Variants in SLK observed in about 807,000 individuals in gnomAD.
SLK encodes STE20-like serine/threonine-protein kinase.
Under a neutral mutation model 147.7 loss-of-function variants are expected in SLK, and 67 were observed. The observed-to-expected ratio is 0.45, with a 90% CI of 0.37 to 0.56. The LOEUF (loss-of-function observed/expected upper bound fraction) is 0.56, where lower values mean the gene tolerates loss of function less well. Ranked by LOEUF, SLK falls within the 20% of genes least tolerant of loss-of-function variation. The probability of loss-of-function intolerance (pLI) is 0.00; values close to 1 mark genes in which losing one functional copy is unlikely to be tolerated. For missense variants in SLK, 1,136 were observed against 1,438.8 expected (o/e 0.79, Z 3.41); for synonymous variants, 441 against 475.0 (o/e 0.93, Z 0.93).
At chr10:104,019,230 T>A (rs1056180996) in intron 15 of SLK, 1 of 208,728 alleles carries the variant, frequency 4.8e-6, no homozygotes, top group African/African-American at 2.3e-5. Context: ...CTCCTTGTAC[T>A]TATTAAGAGT....
At chr10:104,002,047 G>A in intron 8 of SLK, 125 bp from the exon 9 acceptor site, 1 of 770,692 alleles carries the variant, frequency 1.3e-6, no homozygotes, top group South Asian at 2.6e-5. Context: ...GAGAAGAATT[G>A]TTAATTCTTT....
At chr10:104,020,705 C>T (rs1844523445) in intron 17 of SLK, 92 bp downstream of exon 17, 2 of 1,345,150 alleles carry the variant, frequency 1.5e-6, no homozygotes, top group Non-Finnish European at 2.0e-6. Flanking sequence ...AAGTCAACTG[C>T]ATCATACACG....
At chr10:104,019,029 A>G in intron 15 of SLK, 121 bp downstream of exon 15, 1 of 986,318 alleles carries the variant, frequency 1.0e-6, no homozygotes, top group South Asian at 1.8e-5. Context: ...CTTTTATCCT[A>G]CAATTTCTTG....
rs764573237 is a variant in SLK at position 104,003,457 on chromosome 10, G to A, written c.2279G>A (p.Ser760Asn). 6.2e-6 allele frequency: 10 copies of A among 1,610,696 alleles called. No homozygotes were observed. The South Asian group carries it at 1.1e-4, about 18-fold the overall frequency. Residue 760 changes from serine (S) to asparagine (N), a missense_variant, in exon 9 of 19, where the codon AGT becomes AAT. By Grantham distance (46) the Ser-to-Asn change is conservative. Transcript: ENST00000369755. ...SGTGSTADTS[S>N]IDLNLSISSF... is the part of the protein sequence containing the mutation. Reference sequence around the variant, plus strand: ...ACTGGTTCCACTGCTGATACTAGCAGTATTGACTTGAATTTATCCATCTCT... The same window carrying A: ...ACTGGTTCCACTGCTGATACTAGCAATATTGACTTGAATTTATCCATCTCT...
chr10:103,977,963 T>C (rs1020186250), intron 1 of SLK, among the ~76,000 whole-genome samples: 1 of 152,194 alleles, frequency 6.6e-6, no homozygotes, highest in African/African-American at 2.4e-5. Flanking sequence ...ACTGACTTTA[T>C]TACACACGTC....
intron 1 of SLK, among the ~76,000 whole-genome samples, chr10:103,971,303 C>A (rs1356394563): frequency 6.6e-6 from 1 of 151,872 alleles, no homozygotes; most frequent in African/African-American, 2.4e-5. Context: ...GAGATGGAGT[C>A]CCTCTCTGTC....
intron 12 of SLK, 132 bp from the exon 13 acceptor site, chr10:104,010,684 A>C (rs1405223734): frequency 2.0e-6 from 1 of 496,034 alleles, no homozygotes; most frequent in Non-Finnish European, 3.6e-6. Flanking sequence ...CCAGACTAAC[A>C]CCTATGCTAA....
chr10:103,992,537 C>A lies in SLK; in HGVS notation c.316-61C>A, dbSNP rs1246062956. On this transcript the variant is annotated intron_variant, in intron 2 of 18. Transcript: ENST00000369755. ...TTTTTGCTAAGCTGAAGAAAAAATA[C>A]TGAAACTCAAAACTCCATGTAGTTT... is the stretch of plus-strand genomic sequence containing the variant. The A allele has an allele frequency of 2.8e-6, 4 of 1,416,624 alleles. No individual in the cohort carries two copies. The African/African-American group carries it at 4.5e-5, about 16-fold the overall frequency. 87.8% of individuals were successfully genotyped at this position (1,416,624 alleles called of 1,614,324 possible).
Position 104,002,792 on chromosome 10 carries a change from A to G in SLK, c.1614A>G (p.Gln538=). 1.9e-6 allele frequency: 3 copies of G among 1,614,150 alleles called. No individual in the cohort carries two copies. The highest frequency in any genetic ancestry group is 2.5e-6 in the Non-Finnish European group (3 of 1,180,030). Residue 538 remains glutamine, a synonymous_variant, in exon 9 of 19, where the codon CAA becomes CAG. Transcript: ENST00000369755. ...QEKLGEDDKT[Q]KDVISNTSDV... is the part of the protein sequence containing the mutation. ...AATTGGGGGAAGACGACAAAACTCA[A>G]AAAGATGTGATCAGCAATACAAGTG...
In SLK at chr10:104,002,805, A is replaced by G. The variant is rs1306176866; in HGVS notation, c.1627A>G (p.Ser543Gly). The G allele has an allele frequency of 3.7e-6, 6 of 1,614,046 alleles. No homozygotes were observed. The Admixed American group carries it at 5.0e-5, about 13-fold the overall frequency. ...EDDKTQKDVI[S>G]NTSDVIGTCE... is the part of the protein sequence containing the mutation. ...CGACAAAACTCAAAAAGATGTGATC[A>G]GCAATACAAGTGATGTGATAGGAAC... Residue 543 changes from serine to glycine, a missense_variant, in exon 9 of 19, where the codon AGC becomes GGC. Around this residue, in one of 6 missense-constraint regions of SLK, gnomAD observed 516 missense variants for 531.3 expected, o/e 0.97. Transcript: ENST00000369755.
intron 18 of SLK, among the ~76,000 whole-genome samples, chr10:104,023,540 A>G (rs940925705): frequency 6.6e-6 from 1 of 152,214 alleles, no homozygotes; most frequent in African/African-American, 2.4e-5. Context: ...GTAATGGTTC[A>G]GTGAATGGTT....
At chr10:103,984,188 T>C (rs1197858221) in intron 1 of SLK, among the ~76,000 whole-genome samples, 2 of 152,204 alleles carry the variant, frequency 1.3e-5, no homozygotes, top group Non-Finnish European at 1.5e-5. Flanking sequence ...AATAGCACGA[T>C]GGATATTACT....
intron 1 of SLK, among the ~76,000 whole-genome samples, chr10:103,989,731 G>A (rs975379130): frequency 1.3e-5 from 2 of 152,130 alleles, no homozygotes; most frequent in Non-Finnish European, 2.9e-5. Flanking sequence ...GCCTCCCAAA[G>A]TGCTGGGATT....
In SLK at chr10:104,003,094, G is replaced by T; in HGVS notation, c.1916G>T (p.Gly639Val). 6.2e-7 allele frequency: 1 copy of T among 1,614,116 alleles called. No individual in the cohort carries two copies. Among genetic ancestry groups the T allele is most frequent in the Non-Finnish European group, 8.5e-7 (1 of 1,180,008 alleles). Residue 639 changes from glycine (G) to valine (V), a missense_variant, in exon 9 of 19, where the codon GGT becomes GTT. Around this residue, in one of 6 missense-constraint regions of SLK, gnomAD observed 516 missense variants for 531.3 expected, o/e 0.97. Transcript: ENST00000369755. ...DINEEPGTTE[G>V]EEITESSSTE... ...AATGAGGAACCAGGAACAACTGAAG[G>T]TGAAGAAATCACTGAGTCAAGTAGC...
intron 13 of SLK, among the ~76,000 whole-genome samples, chr10:104,012,981 CTT>C (rs1844418695): frequency 6.6e-6 from 1 of 152,072 alleles, no homozygotes; most frequent in African/African-American, 2.4e-5. Context: ...TTTAATAAGA[CTT>C]TGTTGGTGAT....
intron 7 of SLK, 146 bp downstream of exon 7, chr10:104,000,094 C>G: frequency 4.3e-6 from 2 of 460,768 alleles, no homozygotes; most frequent in Non-Finnish European, 7.9e-6. Flanking sequence ...AAAATAAATG[C>G]TGCTGTTACC....
chr10:104,026,375 G>A lies in SLK; in HGVS notation c.*655G>A, dbSNP rs1334182859. ...ACACTAAATTTCAGTCAAGTCGTAA[G>A]TAGGATTTTCTTTTTGATCAACAGG... On this transcript the variant is annotated 3_prime_UTR_variant, in exon 19 of 19. Coordinates refer to ENST00000369755, the MANE Select transcript of SLK (RefSeq NM_014720.4). 1.3e-5 allele frequency: 2 copies of A among 152,604 alleles called. No homozygotes were observed. The highest frequency in any genetic ancestry group is 4.8e-5 in the African/African-American group (2 of 41,436). The allele number at this position is 152,604 out of a possible 1,614,324, so 9.5% of individuals were successfully genotyped here. A position where few individuals can be genotyped will look rare whatever the true frequency, so the allele number is the denominator to read the frequency against.
chr10:103,976,837 T>C lies in SLK; in HGVS notation c.150+8942T>C, dbSNP rs545818580. Among the ~76,000 whole-genome samples the C allele has an allele frequency of 9.8e-5, 15 of 152,314 alleles. No homozygotes were observed. In the East Asian group the frequency reaches 2.3e-3, roughly 23 times the overall value. On this transcript the variant is annotated intron_variant, in intron 1 of 18. Transcript: ENST00000369755. ...TTTTGCCTTTTCTAGAATTTTTTAA[T>C]AAGTGGAAACATACAATATGTATTC...
At chr10:103,985,486 G>C (rs985520457) in intron 1 of SLK, among the ~76,000 whole-genome samples, 20 of 152,290 alleles carry the variant, frequency 1.3e-4, no homozygotes, top group Admixed American at 5.2e-4. Context: ...TTCTTTTGGT[G>C]GGGGGAAGAA....
Sources: gnomAD v4.1 joint callset for allele counts (sites outside exome capture counted in the v4.1 genomes callset) on GRCh38, gnomAD v4.1.1 for gene constraint, gnomAD v4.1.1 regional missense constraint, MANE v1.5 for transcripts, NCBI Gene and HGNC (gene_info 2026-07-23, HGNC 2026-07-21) for gene names.